The following PIK3C3 variants were observed in gnomAD, a reference collection of about 807,000 sequenced individuals.
The protein encoded by PIK3C3 is PI3-kinase type 3.
In PIK3C3, 95 loss-of-function variants were observed where a neutral mutation model predicts 126.1. The observed-to-expected ratio is 0.75, with a 90% CI of 0.64 to 0.89. PIK3C3 has a LOEUF of 0.89. Ranked by LOEUF, PIK3C3 falls within the 40% of genes least tolerant of loss-of-function variation. The pLI is 0.00. For missense variants in PIK3C3, 829 were observed against 1,063.2 expected, an observed-to-expected ratio of 0.78 and a Z score of 3.06; for synonymous variants, 374 against 360.0, an observed-to-expected ratio of 1.04 and a Z score of -0.44.
At chr18:42,025,287 A>C (rs1197252229) in intron 13 of PIK3C3, 1 of 152,272 alleles carries the variant, frequency 6.6e-6, no homozygotes, top group Non-Finnish European at 1.5e-5. Flanking sequence ...GGAGATAATC[A>C]AGGACTTTAA....
intron 24 of PIK3C3, among the ~76,000 whole-genome samples, chr18:42,075,812 C>T (rs1158965082): frequency 1.3e-5 from 2 of 150,114 alleles, no homozygotes; most frequent in African/African-American, 4.9e-5. Context: ...AGAAAGTCAG[C>T]CTGTCCTTTG....
chr18:41,959,484 T>A (rs1979966774), intron 2 of PIK3C3, among the ~76,000 whole-genome samples: 1 of 152,200 alleles, frequency 6.6e-6, no homozygotes, highest in African/African-American at 2.4e-5. Context: ...TTAAAATGTC[T>A]AAGCTATGTA....
At position 42,064,951 on chromosome 18, in the gene PIK3C3, C is replaced by G. The variant is rs143191882; in HGVS notation, c.2523+121C>G. ...CCCCTTCCTTGTTCCTGCCCACAGT[C>G]ACATGAATAGGTTCTCTCATCTGGA... On this transcript the variant is annotated intron_variant, in intron 23 of 24. Transcript: ENST00000262039. 3.0e-5 allele frequency: 18 copies of G among 600,016 alleles called. No individual in the cohort carries two copies. The East Asian group carries it at 4.7e-4, about 16-fold the overall frequency. The allele number at this position is 600,016 out of a possible 1,614,324, so 37.2% of individuals were successfully genotyped here.
rs919312318 is a variant in PIK3C3, at chr18:42,087,620, C to A, written c.*6483C>A. ...TTTTCATTAAAGAAAAAAGCCTTAC[C>A]GAGGACTCCCATACCCTTGCTTTCT... On this transcript the variant is annotated 3_prime_UTR_variant, in exon 25 of 25. Coordinates refer to ENST00000262039, the MANE Select transcript of PIK3C3 (RefSeq NM_002647.4). 2 of 152,146 alleles carry A rather than the reference C, an allele frequency of 1.3e-5. No individual in the cohort carries two copies. The highest frequency in any genetic ancestry group is 3.9e-4 in the East Asian group (2 of 5,186). 9.4% of individuals were successfully genotyped at this position (152,146 alleles called of 1,614,324 possible).
intron 18 of PIK3C3, among the ~76,000 whole-genome samples, chr18:42,039,439 C>G (rs970751898): frequency 8.5e-5 from 13 of 152,182 alleles, no homozygotes; most frequent in African/African-American, 3.1e-4. Context: ...TTCATTTTCT[C>G]TTTGGACAAA....
chr18:41,957,644 G>A lies in PIK3C3; in HGVS notation c.143G>A (p.Gly48Glu). The stretch of plus-strand genomic sequence containing the variant: ...GAAGACCCAATGTTGAAGTTCTCAG[G>A]ACTATATCAAGAGACATGCTCTGAT... ...VLEDPMLKFS[G>E]LYQETCSDLY... The change falls in exon 2 of 25, where the codon GGA (glycine) becomes GAA (glutamate). Residue 48 changes from glycine to glutamate, a missense_variant. Around this residue, in one of 4 missense-constraint regions of PIK3C3, gnomAD observed 313 missense variants for 340.7 expected, o/e 0.92. Transcript: ENST00000262039. 6.2e-7 allele frequency: 1 copy of A among 1,613,936 alleles called. No individual in the cohort carries two copies.
At chr18:42,060,830 A>C (rs971932851) in intron 22 of PIK3C3, among the ~76,000 whole-genome samples, 1 of 152,134 alleles carries the variant, frequency 6.6e-6, no homozygotes, top group Non-Finnish European at 1.5e-5. Flanking sequence ...TAAGGTTCTC[A>C]TATTGTCTCA....
At chr18:41,982,151 G>T (rs570284619) in intron 4 of PIK3C3, among the ~76,000 whole-genome samples, 2 of 152,180 alleles carry the variant, frequency 1.3e-5, no homozygotes, top group South Asian at 4.2e-4. Flanking sequence ...TTCTATTTTA[G>T]ACTCAGAGAG....
chr18:42,073,928 G>A (rs1985877083), intron 24 of PIK3C3, among the ~76,000 whole-genome samples: 1 of 151,994 alleles, frequency 6.6e-6, no homozygotes, highest in Admixed American at 6.6e-5. Context: ...ATTTCTCTAG[G>A]TAAAGTACAA....
intron 3 of PIK3C3, among the ~76,000 whole-genome samples, chr18:41,963,522 T>A (rs1980203315): frequency 6.6e-6 from 1 of 152,194 alleles, no homozygotes; most frequent in Non-Finnish European, 1.5e-5. Context: ...CTTTGCTTTC[T>A]GGTAGACAAG....
At chr18:41,966,237 T>G (rs1980361118) in intron 3 of PIK3C3, among the ~76,000 whole-genome samples, 1 of 149,022 alleles carries the variant, frequency 6.7e-6, no homozygotes, top group South Asian at 2.1e-4. Context: ...TGGGGTGATC[T>G]GAGCTCACTG....
rs116651694 is a variant in PIK3C3 at position 42,066,795 on chromosome 18, A to T, written c.2524-593A>T. ...TGTAGCTTTAAATAAGACTAAAAAAATTATTTTATCTTTGGAAACGATAGA... is the reference window on the plus strand; with the variant it reads ...TGTAGCTTTAAATAAGACTAAAAAATTTATTTTATCTTTGGAAACGATAGA... On this transcript the variant is annotated intron_variant, in intron 23 of 24. Coordinates refer to ENST00000262039, the MANE Select transcript of PIK3C3 (RefSeq NM_002647.4). Among the ~76,000 whole-genome samples, 1,476 of 152,274 alleles carry T rather than the reference A, an allele frequency of 9.7e-3. 16 individuals are homozygous for T. The highest frequency in any genetic ancestry group is 0.034 in the African/African-American group (1,404 of 41,550).
chr18:42,026,359 T>G (rs1366725288), intron 13 of PIK3C3: 1 of 152,150 alleles, frequency 6.6e-6, no homozygotes, highest in Admixed American at 6.5e-5. Flanking sequence ...ATAAACAGAA[T>G]AGCAAATATT....
intron 5 of PIK3C3, among the ~76,000 whole-genome samples, chr18:41,988,175 GT>G (rs1981592412): frequency 1.3e-5 from 2 of 152,224 alleles, no homozygotes; most frequent in South Asian, 4.1e-4. Flanking sequence ...TCAGTGGTGT[GT>G]TCTCTGTCAT....
intron 24 of PIK3C3, among the ~76,000 whole-genome samples, chr18:42,070,101 A>G (rs919095436): frequency 6.6e-6 from 1 of 151,992 alleles, no homozygotes; most frequent in Non-Finnish European, 1.5e-5. Flanking sequence ...ATCTCTCTCC[A>G]CTTCCTCTGT....
At chr18:42,076,545 T>C (rs989738379) in intron 24 of PIK3C3, among the ~76,000 whole-genome samples, 14 of 152,156 alleles carry the variant, frequency 9.2e-5, no homozygotes, top group African/African-American at 2.9e-4. Context: ...ACCTGTGCTC[T>C]CTTGTTCCAC....
rs1981268008 is a variant in PIK3C3 at position 41,982,729 on chromosome 18, T to C, written c.532-5083T>C. ...CACTCAAAGATAATCACTAGCACTTTGGTTTATATGCTTTCAGTAAATTAA... is the reference window on the plus strand; with the variant it reads ...CACTCAAAGATAATCACTAGCACTTCGGTTTATATGCTTTCAGTAAATTAA... On this transcript the variant is annotated intron_variant, in intron 4 of 24. Coordinates refer to ENST00000262039, the MANE Select transcript of PIK3C3 (RefSeq NM_002647.4). Among the ~76,000 whole-genome samples the C allele has an allele frequency of 2.0e-5, 3 of 152,318 alleles. No homozygotes were observed. In the South Asian group the frequency reaches 6.2e-4, roughly 32 times the overall value.
Position 42,063,742 on chromosome 18 carries a change from T to A in PIK3C3, c.2433-998T>A, listed in dbSNP as rs1598947599. ...AGTAACAGTTCGTATTTTATTATTA[T>A]TATTATTATCATTATAGATAGGTAG... On this transcript the variant is annotated intron_variant, in intron 22 of 24. Coordinates refer to ENST00000262039, the MANE Select transcript of PIK3C3 (RefSeq NM_002647.4). Among the ~76,000 whole-genome samples the A allele has an allele frequency of 3.9e-5, 6 of 152,248 alleles. No individual in the cohort carries two copies. In the South Asian group the frequency reaches 1.2e-3, roughly 32 times the overall value.
At chr18:42,068,381 T>C (rs1985628236) in intron 24 of PIK3C3, among the ~76,000 whole-genome samples, 1 of 152,216 alleles carries the variant, frequency 6.6e-6, no homozygotes, top group African/African-American at 2.4e-5. Flanking sequence ...TCTAAATATT[T>C]TGTTGTCTTT....
Sources: allele counts gnomAD v4.1 joint callset (sites outside exome capture counted in the v4.1 genomes callset), GRCh38; gene constraint gnomAD v4.1.1; regional missense constraint gnomAD v4.1.1; transcripts MANE v1.5; gene names NCBI Gene and HGNC (gene_info 2026-07-23, HGNC 2026-07-21).